Variants in EBF3 observed in about 807,000 individuals in gnomAD.
The protein encoded by EBF3 is EBF transcription factor 3.
EBF3 carries 18 observed loss-of-function variants against 77.1 expected under a neutral mutation model. That is an observed-to-expected ratio of 0.23 (90% CI 0.16 to 0.35). The LOEUF is 0.35. Among genes scored for constraint, EBF3 ranks in the 10% least tolerant of loss-of-function variants. The pLI is 1.00. For missense variants in EBF3, 558 were observed against 860.0 expected (o/e 0.65, Z 4.39); for synonymous variants, 350 against 343.5 (o/e 1.02, Z -0.21).
Position 129,963,594 on chromosome 10 carries a change from C to A in EBF3, c.134+41G>T. On this transcript the variant is annotated intron_variant, in intron 1 of 16. Transcript: ENST00000440978. The surrounding 1 kb of genome is among the most constrained non-coding windows in gnomAD (Gnocchi z 7.1). ...GCCGGCGGAGGGGGCCGGGCCGGGC[C>A]GGGGCCGGGGCCAGGGCGCGCGGGG... 2 of 1,243,838 alleles carry A rather than the reference C, an allele frequency of 1.6e-6. No individual in the cohort carries two copies. Among genetic ancestry groups the A allele is most frequent in the Non-Finnish European group, 2.0e-6 (2 of 984,076 alleles). The allele number at this position is 1,243,838 out of a possible 1,614,324, so 77.1% of individuals were successfully genotyped here.
At chr10:129,950,159 G>C (rs972853226) in intron 6 of EBF3, among the ~76,000 whole-genome samples, 2 of 152,080 alleles carry the variant, frequency 1.3e-5, no homozygotes. Flanking sequence ...GACTCCTTCC[G>C]TTCGCGGGGC....
chr10:129,905,750 C>T (rs1057246562), intron 6 of EBF3, among the ~76,000 whole-genome samples: 1 of 152,216 alleles, frequency 6.6e-6, no homozygotes, highest in Non-Finnish European at 1.5e-5. Context: ...CCAACCGTTG[C>T]AGGTCCTGGG....
intron 6 of EBF3, among the ~76,000 whole-genome samples, chr10:129,910,413 C>A (rs917182887): frequency 7.9e-5 from 12 of 152,188 alleles, no homozygotes; most frequent in African/African-American, 2.9e-4. Flanking sequence ...CACACACACA[C>A]AAATACATAC....
Position 129,887,201 on chromosome 10 carries a change from G to A in EBF3, c.555-9352C>T, listed in dbSNP as rs548176436. The stretch of plus-strand genomic sequence containing the variant: ...CCCACGGCTGGGGAGCATGCCACTC[G>A]GCCCAACTTTGCACGTCACCTTTCA... On this transcript the variant is annotated intron_variant, in intron 6 of 16. Coordinates refer to ENST00000440978, the MANE Select transcript of EBF3 (RefSeq NM_001375380.1). 4.6e-5 allele frequency among the ~76,000 whole-genome samples: 7 copies of A among 152,284 alleles called. No individual in the cohort carries two copies. In the East Asian group the frequency reaches 7.7e-4, roughly 17 times the overall value.
In EBF3 at chr10:129,935,117, C is replaced by T. The variant is rs1013699179; in HGVS notation, c.554+22141G>A. Among the ~76,000 whole-genome samples the T allele has an allele frequency of 4.6e-5, 7 of 152,282 alleles. No homozygotes were observed. Among genetic ancestry groups the T allele is most frequent in the African/African-American group, 1.7e-4 (7 of 41,556 alleles). ...GCTGGTGGTCCGGTTCCCTAAGAACCGGACCCTCTAGTGGATCATGATGTG... is the reference window on the plus strand; with the variant it reads ...GCTGGTGGTCCGGTTCCCTAAGAACTGGACCCTCTAGTGGATCATGATGTG... On this transcript the variant is annotated intron_variant, in intron 6 of 16. Transcript: ENST00000440978. This position sits in a 1 kb window ranked among gnomAD's most constrained non-coding sequence, Gnocchi z 4.2.
chr10:129,862,804 T>C (rs1315065329), intron 10 of EBF3, among the ~76,000 whole-genome samples: 1 of 152,242 alleles, frequency 6.6e-6, no homozygotes, highest in Non-Finnish European at 1.5e-5. Flanking sequence ...GTAATGCTTA[T>C]ATTCTAATTA....
In EBF3 at chr10:129,963,913, TC is replaced by T; in HGVS notation, c.-146del. 9.0e-7 allele frequency: 1 copy of T among 1,115,340 alleles called. No individual in the cohort carries two copies. The highest frequency in any genetic ancestry group is 1.1e-6 in the Non-Finnish European group (1 of 917,076). The allele number at this position is 1,115,340 out of a possible 1,614,324, so 69.1% of individuals were successfully genotyped here. A position where few individuals can be genotyped will look rare whatever the true frequency, so the allele number is the denominator to read the frequency against. ...CGGCCCCGCCGCCGGCTTCAGCCCGTCCCGGGCAGGCGCGACATACACCAGC... is the reference window on the plus strand; with the variant it reads ...CGGCCCCGCCGCCGGCTTCAGCCCGTCCGGGCAGGCGCGACATACACCAGC... On this transcript the variant is annotated 5_prime_UTR_variant, in exon 1 of 17. It removes the in-frame stop codon of an upstream open reading frame in the 5' UTR. Coordinates refer to ENST00000440978, the MANE Select transcript of EBF3 (RefSeq NM_001375380.1). This position sits in a 1 kb window ranked among gnomAD's most constrained non-coding sequence, Gnocchi z 7.1.
chr10:129,933,760 C>T lies in EBF3; in HGVS notation c.554+23498G>A, dbSNP rs1857181312. On this transcript the variant is annotated intron_variant, in intron 6 of 16. Coordinates refer to ENST00000440978, the MANE Select transcript of EBF3 (RefSeq NM_001375380.1). ...ATCTACAGCAGGGTCAGAGCCCACCCAGAGTGAGTAAGGCCCTGCAGGGCA... is the reference window on the plus strand; with the variant it reads ...ATCTACAGCAGGGTCAGAGCCCACCTAGAGTGAGTAAGGCCCTGCAGGGCA... Among the ~76,000 whole-genome samples, 6 of 152,328 alleles carry T rather than the reference C, an allele frequency of 3.9e-5. No individual in the cohort carries two copies. In the South Asian group the frequency reaches 1.2e-3, roughly 32 times the overall value.
At chr10:129,917,375 A>G (rs922664297) in intron 6 of EBF3, among the ~76,000 whole-genome samples, 6 of 152,244 alleles carry the variant, frequency 3.9e-5, no homozygotes, top group Non-Finnish European at 7.3e-5. Flanking sequence ...TCTCAAGGAA[A>G]AAAAACAAAA....
rs1857289521 is a variant in EBF3, at chr10:129,935,386, G to A, written c.554+21872C>T. Among the ~76,000 whole-genome samples, 1 of 152,114 alleles carries A rather than the reference G, an allele frequency of 6.6e-6. No homozygotes were observed. The highest frequency in any genetic ancestry group is 1.5e-5 in the Non-Finnish European group (1 of 68,016). Reference sequence around the variant, plus strand: ...GGAAGGTGGGATCCTGTCCTGCCTGGCTCCAGCAGAAGGACCCAGTGCCAT... The same window carrying A: ...GGAAGGTGGGATCCTGTCCTGCCTGACTCCAGCAGAAGGACCCAGTGCCAT... On this transcript the variant is annotated intron_variant, in intron 6 of 16. Transcript: ENST00000440978. The surrounding 1 kb of genome is among the most constrained non-coding windows in gnomAD (Gnocchi z 4.2).
intron 6 of EBF3, among the ~76,000 whole-genome samples, chr10:129,914,774 C>T (rs541172423): frequency 2.0e-5 from 3 of 152,238 alleles, no homozygotes; most frequent in South Asian, 4.1e-4. Context: ...TCAGCTGCCC[C>T]GGCCACTACT....
At chr10:129,941,586 C>T (rs750057299) in intron 6 of EBF3, among the ~76,000 whole-genome samples, 7 of 152,116 alleles carry the variant, frequency 4.6e-5, no homozygotes, top group Non-Finnish European at 1.0e-4. Flanking sequence ...GGGGAGCCCT[C>T]CAGGCCCAAA....
chr10:129,950,646 A>C (rs775268260), intron 6 of EBF3, among the ~76,000 whole-genome samples: 63 of 152,338 alleles, frequency 4.1e-4, no homozygotes, highest in Admixed American at 5.9e-4. Flanking sequence ...ACAACAACAA[A>C]AAAAAACCCC....
At chr10:129,906,885 C>G (rs1266087633) in intron 6 of EBF3, among the ~76,000 whole-genome samples, 4 of 152,144 alleles carry the variant, frequency 2.6e-5, no homozygotes, top group Non-Finnish European at 5.9e-5. Flanking sequence ...TAGCCCAACT[C>G]TATTATACTC....
At chr10:129,883,313 C>T (rs1329429954) in intron 6 of EBF3, among the ~76,000 whole-genome samples, 4 of 152,224 alleles carry the variant, frequency 2.6e-5, no homozygotes, top group Non-Finnish European at 5.9e-5. Flanking sequence ...GGAAAGAGCT[C>T]TGGCTCTTAG....
chr10:129,858,416 G>A (rs181651137), intron 10 of EBF3, among the ~76,000 whole-genome samples: 23 of 152,316 alleles, frequency 1.5e-4, no homozygotes, highest in Admixed American at 6.5e-4. Flanking sequence ...TGGAGGAGCC[G>A]CCACCCTCAG....
intron 15 of EBF3, among the ~76,000 whole-genome samples, chr10:129,839,723 GACA>G (rs1297191890): frequency 1.3e-5 from 2 of 152,218 alleles, no homozygotes; most frequent in Non-Finnish European, 2.9e-5. Context: ...CCAGCCTCGG[GACA>G]ACGAGGGTAG....
At chr10:129,867,353 G>A in intron 9 of EBF3, 86 bp from the exon 10 acceptor site, 1 of 1,575,366 alleles carries the variant, frequency 6.3e-7, no homozygotes. Flanking sequence ...TTACCAAAAT[G>A]AGCACAAATT....
chr10:129,921,450 GGC>G (rs1856301153), intron 6 of EBF3, among the ~76,000 whole-genome samples: 1 of 152,182 alleles, frequency 6.6e-6, no homozygotes, highest in African/African-American at 2.4e-5. Context: ...CCAAGCTGCC[GGC>G]GTCCCCTGGG....
Sources: allele counts gnomAD v4.1 joint callset (sites outside exome capture counted in the v4.1 genomes callset), GRCh38; gene constraint gnomAD v4.1.1; non-coding constraint Gnocchi (gnomAD v3.1); transcripts MANE v1.5; gene names NCBI Gene and HGNC (gene_info 2026-07-23, HGNC 2026-07-21).